HDAC7: variants seen among roughly 807,000 people sequenced by gnomAD.
The protein encoded by HDAC7 is histone deacetylase 7A.
A neutral mutation model predicts 115.5 loss-of-function variants in HDAC7; 26 were observed. The ratio of observed to expected loss-of-function variants is 0.23; its 90% CI spans 0.16 to 0.31. The LOEUF is 0.31. Ranked by LOEUF, HDAC7 falls within the 10% of genes least tolerant of loss-of-function variation. The pLI, the probability that HDAC7 is intolerant of heterozygous loss-of-function variation, is 1.00. For missense variants in HDAC7, 1,068 were observed against 1,329.0 expected (o/e 0.80, Z 3.05); for synonymous variants, 564 against 550.9 (o/e 1.02, Z -0.33).
intron 22 of HDAC7, 112 bp downstream of exon 22, chr12:47,786,473 A>G (rs1379725305): frequency 1.4e-6 from 1 of 732,878 alleles, no homozygotes; most frequent in African/African-American, 1.8e-5. Context: ...TCAGGCTGAA[A>G]GCCCTGGGCT....
rs1457646936 is a variant in HDAC7 at position 47,804,294 on chromosome 12, G to A, written c.20-2020C>T. Among the ~76,000 whole-genome samples the A allele has an allele frequency of 4.6e-5, 7 of 152,164 alleles. No individual in the cohort carries two copies. The South Asian group carries it at 8.3e-4, about 18-fold the overall frequency. ...TGCTTTTCCCCCGCTCCCTGGCCCC[G>A]TGCTGAGGGCCATCAAGTTCAGAAG... On this transcript the variant is annotated intron_variant, in intron 1 of 25. Transcript: ENST00000080059.
In HDAC7 at chr12:47,793,566, C is replaced by T. The variant is rs574291721; in HGVS notation, c.1481G>A (p.Arg494Gln). 9.2e-5 allele frequency: 142 copies of T among 1,544,138 alleles called. No individual in the cohort carries two copies. Among genetic ancestry groups the T allele is most frequent in the Non-Finnish European group, 1.1e-4 (127 of 1,144,590 alleles). Residue 494 changes from arginine (R) to glutamine (Q), a missense_variant, in exon 13 of 26, where the codon CGA becomes CAA. Physicochemically the swap from Arg to Gln is conservative, Grantham distance 43. Transcript: ENST00000080059. The surrounding 1 kb of genome is among the most constrained non-coding windows in gnomAD (Gnocchi z 4.5). ...HPQVLLWEQQRLAGRLPRGST... is the reference protein window; with the variant it reads ...HPQVLLWEQQQLAGRLPRGST... ...GCCCCGGGGGAGCCGCCCAGCCAGT[C>T]GCTGCTGTTCCCAGAGCAACACCTA...
At chr12:47,807,094 C>A (rs1944439352) in intron 1 of HDAC7, among the ~76,000 whole-genome samples, 1 of 152,182 alleles carries the variant, frequency 6.6e-6, no homozygotes, top group African/African-American at 2.4e-5. Context: ...CATAAGCCAC[C>A]AAGCCCAGCT....
At chr12:47,789,614 A>G (rs1360934027) in intron 17 of HDAC7, 36 bp from the exon 18 acceptor site, 2 of 1,610,786 alleles carry the variant, frequency 1.2e-6, no homozygotes, top group Admixed American at 1.7e-5. Flanking sequence ...ATCAACAGAC[A>G]GCTCTGACCC....
chr12:47,812,799 T>A (rs1484544990), intron 1 of HDAC7: 1 of 152,238 alleles, frequency 6.6e-6, no homozygotes, highest in Non-Finnish European at 1.5e-5. Flanking sequence ...TTACTCAAGA[T>A]CCCACACCTT....
intron 24 of HDAC7, 180 bp downstream of exon 24, chr12:47,785,207 A>C: frequency 1.6e-6 from 1 of 618,212 alleles, no homozygotes; most frequent in Non-Finnish European, 2.8e-6. Flanking sequence ...GGCTCAGAGG[A>C]TAACCCCTCA....
chr12:47,807,896 C>T (rs1944471746), intron 1 of HDAC7, among the ~76,000 whole-genome samples: 1 of 152,222 alleles, frequency 6.6e-6, no homozygotes, highest in Non-Finnish European at 1.5e-5. Flanking sequence ...CCTGCCATAT[C>T]CCTTCTCTAG....
intron 24 of HDAC7, 120 bp from the exon 25 acceptor site, chr12:47,784,337 TCCACTTAGGGTCGGCTCTC>T: frequency 8.7e-7 from 1 of 1,148,514 alleles, no homozygotes; most frequent in Non-Finnish European, 1.2e-6. Flanking sequence ...GGGCCTGTCC[TCCACTTAGGGTCGGCTCTC>T]CCACCTGCCC....
chr12:47,795,633 G>A lies in HDAC7; in HGVS notation c.1041C>T (p.Pro347=), dbSNP rs1334808593. 3 of 1,558,412 alleles carry A rather than the reference G, an allele frequency of 1.9e-6. No individual in the cohort carries two copies. The highest frequency in any genetic ancestry group is 4.8e-5 in the East Asian group (2 of 41,422). The stretch of plus-strand genomic sequence containing the variant: ...AGCCTGAGGGGTCCAGGAGGAGAAT[G>A]GGCTGCAGGCGAGAGGGCAAGGTGC... ...AGGTLPSRLQ[P]ILLLDPSGSH... Residue 347 remains proline, a synonymous_variant, in exon 10 of 26, where the codon CCC becomes CCT. Coordinates refer to ENST00000080059, the MANE Select transcript of HDAC7 (RefSeq NM_015401.5). The surrounding 1 kb of genome is among the most constrained non-coding windows in gnomAD (Gnocchi z 4.3).
At chr12:47,789,405 A>G in intron 18 of HDAC7, 57 bp from the exon 19 acceptor site, 2 of 1,580,392 alleles carry the variant, frequency 1.3e-6, no homozygotes, top group Non-Finnish European at 1.7e-6. Context: ...TCACCTCCCC[A>G]GGCCCCTGGG....
intron 25 of HDAC7, 81 bp downstream of exon 25, chr12:47,783,998 A>T: frequency 6.2e-7 from 1 of 1,601,450 alleles, no homozygotes. Context: ...GGGTGGCTGC[A>T]TAGCGGACCC....
At position 47,789,378 on chromosome 12, in the gene HDAC7, A is replaced by G. The variant is rs746416182; in HGVS notation, c.2148-30T>C. ...AAGGAGAGACAGGTCCTGCCAGCCC[A>G]TTCTCTCCACATGCCCTCACCTCCC... On this transcript the variant is annotated intron_variant, in intron 18 of 25. Coordinates refer to ENST00000080059, the MANE Select transcript of HDAC7 (RefSeq NM_015401.5). 1.9e-6 allele frequency: 3 copies of G among 1,598,600 alleles called. No homozygotes were observed. The African/African-American group carries it at 4.0e-5, about 21-fold the overall frequency.
chr12:47,785,705 G>A, intron 23 of HDAC7, 47 bp downstream of exon 23: 1 of 1,571,360 alleles, frequency 6.4e-7, no homozygotes, highest in Non-Finnish European at 8.6e-7. Flanking sequence ...TGAGAGCCGG[G>A]CTTACCTGCC....
intron 24 of HDAC7, chr12:47,785,024 C>T: frequency 1.7e-6 from 1 of 576,002 alleles, no homozygotes; most frequent in Non-Finnish European, 3.1e-6. Flanking sequence ...AGCAGAGCTC[C>T]TGAGACGCCT....
At chr12:47,786,936 G>A (rs555412064) in intron 21 of HDAC7, among the ~76,000 whole-genome samples, 1 of 152,362 alleles carries the variant, frequency 6.6e-6, no homozygotes, top group South Asian at 2.1e-4. Flanking sequence ...GCAGAAAGGA[G>A]CCAAGGATGG....
In HDAC7 at chr12:47,797,170, C is replaced by A. The variant is rs1943898371; in HGVS notation, c.578-28G>T. 1 of 1,565,122 alleles carries A rather than the reference C, an allele frequency of 6.4e-7. No homozygotes were observed. Among genetic ancestry groups the A allele is most frequent in the Non-Finnish European group, 8.7e-7 (1 of 1,154,878 alleles). ...GCAGGGAGCACCAGCGTCACTCAGG[C>A]CCCCACCACCCTTCTTTTTTCCACC... On this transcript the variant is annotated intron_variant, in intron 6 of 25. Transcript: ENST00000080059. The surrounding 1 kb of genome is among the most constrained non-coding windows in gnomAD (Gnocchi z 5.5).
intron 1 of HDAC7, among the ~76,000 whole-genome samples, chr12:47,818,509 C>T (rs1043686704): frequency 4.6e-5 from 7 of 152,206 alleles, no homozygotes; most frequent in Non-Finnish European, 8.8e-5. Flanking sequence ...GGGAAAGGGC[C>T]GCCAAAGCGT....
At chr12:47,810,615 G>A (rs1341437664) in intron 1 of HDAC7, among the ~76,000 whole-genome samples, 1 of 151,952 alleles carries the variant, frequency 6.6e-6, no homozygotes, top group Non-Finnish European at 1.5e-5. Flanking sequence ...ACACTTTACA[G>A]TGTTTCCTGT....
At chr12:47,794,725 G>A (rs1479853970) in intron 12 of HDAC7, 35 bp downstream of exon 12, 2 of 1,525,772 alleles carry the variant, frequency 1.3e-6, no homozygotes, top group Non-Finnish European at 1.8e-6. Context: ...GTCTTCTGAG[G>A]ACACTTTCTG....
Sources: gnomAD v4.1 joint callset for allele counts (sites outside exome capture counted in the v4.1 genomes callset) on GRCh38, gnomAD v4.1.1 for gene constraint, Gnocchi (gnomAD v3.1) non-coding constraint, MANE v1.5 for transcripts, NCBI Gene and HGNC (gene_info 2026-07-23, HGNC 2026-07-21) for gene names.